Variants in CAMK1D observed in about 807,000 individuals in gnomAD.
The protein encoded by CAMK1D is calcium/calmodulin-dependent protein kinase type 1D.
CAMK1D carries 9 observed loss-of-function variants against 47.7 expected under a neutral mutation model. The observed-to-expected ratio is 0.19, with a 90% CI of 0.11 to 0.33. The LOEUF (loss-of-function observed/expected upper bound fraction) is 0.33. Ranked by LOEUF, CAMK1D falls within the 10% of genes least tolerant of loss-of-function variation. The pLI, the probability that CAMK1D is intolerant of heterozygous loss-of-function variation, is 1.00. For missense variants in CAMK1D, 291 were observed against 488.7 expected (o/e 0.60, Z 3.81); for synonymous variants, 184 against 184.9 (o/e 0.99, Z 0.04).
intron 3 of CAMK1D, among the ~76,000 whole-genome samples, chr10:12,739,350 A>G (rs1835323933): frequency 6.6e-6 from 1 of 150,486 alleles, no homozygotes; most frequent in South Asian, 2.1e-4. Context: ...ATCTTGGCTC[A>G]CTATAACCTC....
chr10:12,717,538 GA>G (rs1262889935), intron 3 of CAMK1D, among the ~76,000 whole-genome samples: 2 of 151,310 alleles, frequency 1.3e-5, no homozygotes, highest in Admixed American at 6.6e-5. Flanking sequence ...TTTTCTCCAC[GA>G]AAAAAAGATT....
intron 1 of CAMK1D, among the ~76,000 whole-genome samples, chr10:12,391,616 A>G (rs1359493223): frequency 6.6e-6 from 1 of 152,258 alleles, no homozygotes; most frequent in Non-Finnish European, 1.5e-5. Flanking sequence ...ATGATTTTCA[A>G]ATGTTTCTTA....
intron 1 of CAMK1D, among the ~76,000 whole-genome samples, chr10:12,453,808 G>A (rs777917657): frequency 2.6e-4 from 39 of 152,336 alleles, no homozygotes; most frequent in Middle Eastern, 3.4e-3. Flanking sequence ...AGCCTTGCCT[G>A]TTTTGTTCTG....
chr10:12,611,588 CTTTTTTTTT>C (rs71386105), intron 2 of CAMK1D, among the ~76,000 whole-genome samples: 2 of 59,950 alleles, frequency 3.3e-5, no homozygotes, highest in Admixed American at 3.3e-4. Context: ...TTCAGAATGC[CTTTTTTTTT>C]TTTTTTTTTT....
At chr10:12,377,273 G>A (rs185193921) in intron 1 of CAMK1D, among the ~76,000 whole-genome samples, 4 of 152,164 alleles carry the variant, frequency 2.6e-5, no homozygotes, top group Non-Finnish European at 4.4e-5. Flanking sequence ...TAAAAAAAGT[G>A]TATGATCTTT....
chr10:12,721,657 T>A (rs1175223224), intron 3 of CAMK1D, among the ~76,000 whole-genome samples: 3 of 152,206 alleles, frequency 2.0e-5, no homozygotes, highest in African/African-American at 7.2e-5. Flanking sequence ...CTCACAGAGC[T>A]TATTACCTAG....
chr10:12,622,531 CGT>C lies in CAMK1D; in HGVS notation c.225-44190_225-44189del, dbSNP rs147253239. 4.6e-3 allele frequency among the ~76,000 whole-genome samples: 681 copies of C among 149,496 alleles called. 3 individuals are homozygous for C. Among genetic ancestry groups the C allele is most frequent in the African/African-American group, 0.015 (594 of 40,872 alleles). On this transcript the variant is annotated intron_variant, in intron 2 of 10. Coordinates refer to ENST00000619168, the MANE Select transcript of CAMK1D (RefSeq NM_153498.4). ...ATGTTACATTTGGGATGTGTGTGTACGTGTGTGTGTGTGTGTAATGTCCAGAG... is the reference window on the plus strand; with the variant it reads ...ATGTTACATTTGGGATGTGTGTGTACGTGTGTGTGTGTGTAATGTCCAGAG...
chr10:12,622,357 G>A (rs1164870383), intron 2 of CAMK1D, among the ~76,000 whole-genome samples: 2 of 152,092 alleles, frequency 1.3e-5, no homozygotes, highest in African/African-American at 2.4e-5. Flanking sequence ...GGCTGTTTTT[G>A]GTCTGAGCCC....
At position 12,832,208 on chromosome 10, in the gene CAMK1D, G is replaced by C. The variant is rs137911153; in HGVS notation, c.*3321G>C. On this transcript the variant is annotated 3_prime_UTR_variant, in exon 11 of 11. Transcript: ENST00000619168. ...GGCTTCCCGGATCTTCATCTCATAC[G>C]TGAGGCAATAGGAGGAGTTTCTATT... 6.6e-6 allele frequency: 1 copy of C among 152,450 alleles called. No homozygotes were observed. Among genetic ancestry groups the C allele is most frequent in the African/African-American group, 2.4e-5 (1 of 41,442 alleles). The allele number at this position is 152,450 out of a possible 1,614,324, so 9.4% of individuals were successfully genotyped here.
intron 1 of CAMK1D, among the ~76,000 whole-genome samples, chr10:12,464,366 C>A (rs781535416): frequency 1.7e-4 from 26 of 152,146 alleles, no homozygotes; most frequent in Non-Finnish European, 3.4e-4. Context: ...AGTAAATGAA[C>A]TGGCCATCTC....
Position 12,816,741 on chromosome 10 carries a change from G to A in CAMK1D, c.833+413G>A, listed in dbSNP as rs188677694. Among the ~76,000 whole-genome samples the A allele has an allele frequency of 8.5e-3, 1,284 of 151,796 alleles. 19 individuals carry two copies. Among genetic ancestry groups the A allele is most frequent in the African/African-American group, 0.027 (1,134 of 41,408 alleles). On this transcript the variant is annotated intron_variant, in intron 8 of 10. Coordinates refer to ENST00000619168, the MANE Select transcript of CAMK1D (RefSeq NM_153498.4). ...AAAAAAATTAGCTGGGCATGGTGGC[G>A]CGCGCCTGTAATCCCAGCTACTCGC...
chr10:12,550,611 G>A (rs1836546041), intron 1 of CAMK1D, among the ~76,000 whole-genome samples: 2 of 152,224 alleles, frequency 1.3e-5, no homozygotes, highest in African/African-American at 4.8e-5. Flanking sequence ...TGATAAACCT[G>A]TGGTGGGTCT....
At chr10:12,427,882 AT>A (rs1446294900) in intron 1 of CAMK1D, among the ~76,000 whole-genome samples, 2 of 149,682 alleles carry the variant, frequency 1.3e-5, no homozygotes, top group African/African-American at 4.9e-5. Flanking sequence ...TGATTTTTCC[AT>A]TTTTAGTAGA....
At chr10:12,739,978 G>T (rs1413636823) in intron 3 of CAMK1D, among the ~76,000 whole-genome samples, 3 of 152,194 alleles carry the variant, frequency 2.0e-5, no homozygotes, top group Admixed American at 2.0e-4. Flanking sequence ...TGAATTGGAC[G>T]ATGGTATTAC....
intron 6 of CAMK1D, among the ~76,000 whole-genome samples, chr10:12,810,275 A>C (rs932875825): frequency 1.1e-4 from 8 of 75,076 alleles, no homozygotes; most frequent in Non-Finnish European, 1.5e-4. Context: ...CCCTAGCACC[A>C]CTTTTTTTTT....
At chr10:12,402,966 C>G (rs544409583) in intron 1 of CAMK1D, among the ~76,000 whole-genome samples, 1 of 152,152 alleles carries the variant, frequency 6.6e-6, no homozygotes, top group African/African-American at 2.4e-5. Flanking sequence ...TAAGATACAT[C>G]ATTCTGGCAG....
At chr10:12,732,026 G>A (rs1039478561) in intron 3 of CAMK1D, among the ~76,000 whole-genome samples, 22 of 152,096 alleles carry the variant, frequency 1.4e-4, no homozygotes, top group African/African-American at 4.8e-4. Context: ...GGTGGGTCAC[G>A]AGGCCAGGAG....
intron 1 of CAMK1D, among the ~76,000 whole-genome samples, chr10:12,499,809 A>G (rs1834647197): frequency 6.6e-6 from 1 of 152,152 alleles, no homozygotes; most frequent in African/African-American, 2.4e-5. Context: ...TGCCAAGCAG[A>G]GTTCTGGAAC....
At chr10:12,619,542 C>T (rs116368248) in intron 2 of CAMK1D, among the ~76,000 whole-genome samples, 1,622 of 152,230 alleles carry the variant, frequency 0.011, 33 homozygotes, top group African/African-American at 0.037. Flanking sequence ...CCTGCTTCAG[C>T]CTCCCAAAGT....
Sources: allele counts gnomAD v4.1 joint callset (sites outside exome capture counted in the v4.1 genomes callset), GRCh38; gene constraint gnomAD v4.1.1; transcripts MANE v1.5; gene names NCBI Gene and HGNC (gene_info 2026-07-23, HGNC 2026-07-21).